TMCC1: variants seen among roughly 807,000 people sequenced by gnomAD.
TMCC1 encodes the protein transmembrane and coiled-coil domain family 1, also known as transmembrane and coiled-coil domains protein 1.
Under a neutral mutation model 52.4 loss-of-function variants are expected in TMCC1, and 15 were observed. The observed-to-expected ratio is 0.29, with a 90% CI of 0.19 to 0.44. The LOEUF (loss-of-function observed/expected upper bound fraction) is 0.44. Among genes scored for constraint, TMCC1 ranks in the 20% least tolerant of loss-of-function variants. TMCC1 has a pLI of 1.00. For synonymous variants in TMCC1, 279 were observed against 301.9 expected, an observed-to-expected ratio of 0.92 and a Z score of 0.79; for missense variants, 503 against 806.0, an observed-to-expected ratio of 0.62 and a Z score of 4.55.
chr3:129,880,491 A>G lies in TMCC1; in HGVS notation c.-366T>C, dbSNP rs952992715. On this transcript the variant is annotated 5_prime_UTR_variant, in exon 2 of 7. Coordinates refer to ENST00000393238, the MANE Select transcript of TMCC1 (RefSeq NM_001017395.5). ...CTTCTAAATCTTGTGACCAAAGGCA[A>G]CTGTTCACCGAGCGTCAGCATCTGA... 1 of 152,232 alleles carries G rather than the reference A, an allele frequency of 6.6e-6. No individual in the cohort carries two copies. The highest frequency in any genetic ancestry group is 1.5e-5 in the Non-Finnish European group (1 of 68,042). 9.4% of individuals were successfully genotyped at this position (152,232 alleles called of 1,614,324 possible). A position where few individuals can be genotyped will look rare whatever the true frequency, so the allele number is the denominator to read the frequency against.
chr3:129,804,924 G>A (rs1055874936), intron 4 of TMCC1, among the ~76,000 whole-genome samples: 1 of 152,164 alleles, frequency 6.6e-6, no homozygotes, highest in African/African-American at 2.4e-5. Flanking sequence ...ATATTGGACA[G>A]AAGAATCTTT....
intron 4 of TMCC1, among the ~76,000 whole-genome samples, chr3:129,711,784 T>C (rs1229625424): frequency 1.4e-5 from 2 of 141,066 alleles, no homozygotes; most frequent in East Asian, 4.2e-4. Context: ...AGGTCAGGAG[T>C]TCGAGACCAG....
intron 4 of TMCC1, among the ~76,000 whole-genome samples, chr3:129,763,542 C>CAAAAAA (rs11354197): frequency 0.023 from 992 of 43,180 alleles, no homozygotes; most frequent in Non-Finnish European, 0.03. Flanking sequence ...GACCCTGTCT[C>CAAAAAA]AAAAAAAAAA....
chr3:129,873,882 T>C (rs1174234733), intron 2 of TMCC1, among the ~76,000 whole-genome samples: 1 of 152,130 alleles, frequency 6.6e-6, no homozygotes, highest in Admixed American at 6.6e-5. Context: ...GAGTGTTATG[T>C]TGGTACCCAA....
At position 129,829,082 on chromosome 3, in the gene TMCC1, C is replaced by T. The variant is rs571607299; in HGVS notation, c.-130-574G>A. Among the ~76,000 whole-genome samples the T allele has an allele frequency of 4.6e-5, 7 of 152,304 alleles. No homozygotes were observed. In the East Asian group the frequency reaches 1.2e-3, roughly 25 times the overall value. ...GGTAACTAGAGATGACAGGTTTGCT[C>T]TTTTGAGAAGAGAATGGAAATAAAA... On this transcript the variant is annotated intron_variant, in intron 3 of 6. Coordinates refer to ENST00000393238, the MANE Select transcript of TMCC1 (RefSeq NM_001017395.5).
At chr3:129,652,557 C>A (rs2086405091) in intron 6 of TMCC1, among the ~76,000 whole-genome samples, 1 of 152,086 alleles carries the variant, frequency 6.6e-6, no homozygotes, top group Non-Finnish European at 1.5e-5. Flanking sequence ...TAAGGCCATG[C>A]CAGACAAGGT....
Position 129,681,919 on chromosome 3 carries a change from AAT to A in TMCC1, c.577-10657_577-10656del, listed in dbSNP as rs1491131824. On this transcript the variant is annotated intron_variant, in intron 4 of 6. Coordinates refer to ENST00000393238, the MANE Select transcript of TMCC1 (RefSeq NM_001017395.5). ...AGACTTCGTCTCAAAAAAAAAAAAA[AAT>A]TTTTAATTAAAAAATAAATAAAATA... Among the ~76,000 whole-genome samples the A allele has an allele frequency of 4.6e-5, 7 of 151,414 alleles. No homozygotes were observed. The East Asian group carries it at 1.4e-3, about 29-fold the overall frequency.
intron 4 of TMCC1, among the ~76,000 whole-genome samples, chr3:129,711,492 A>G (rs2048677671): frequency 6.6e-6 from 1 of 152,210 alleles, no homozygotes; most frequent in Non-Finnish European, 1.5e-5. Context: ...AATAATATGC[A>G]AATTAATAAC....
At chr3:129,763,303 G>A (rs1335689554) in intron 4 of TMCC1, among the ~76,000 whole-genome samples, 1 of 149,198 alleles carries the variant, frequency 6.7e-6, no homozygotes, top group Non-Finnish European at 1.5e-5. Flanking sequence ...TGTACTTTGG[G>A]GAGCCGAAGG....
At chr3:129,749,688 C>T in intron 4 of TMCC1, among the ~76,000 whole-genome samples, 1 of 152,124 alleles carries the variant, frequency 6.6e-6, no homozygotes, top group Admixed American at 6.6e-5. Context: ...CTAGATAAAA[C>T]AGGATAATAG....
At position 129,649,461 on chromosome 3, in the gene TMCC1, C is replaced by G. The variant is rs2086201281; in HGVS notation, c.*2020G>C. ...AAAGAAAAAAAGCACCCTTGTGGCCCTGCTCTGGGTGCAGTTTTGAGGGGG... is the reference window on the plus strand; with the variant it reads ...AAAGAAAAAAAGCACCCTTGTGGCCGTGCTCTGGGTGCAGTTTTGAGGGGG... On this transcript the variant is annotated 3_prime_UTR_variant, in exon 7 of 7. Transcript: ENST00000393238. 6.6e-6 allele frequency: 1 copy of G among 152,366 alleles called. No individual in the cohort carries two copies. The highest frequency in any genetic ancestry group is 1.5e-5 in the Non-Finnish European group (1 of 68,016). The allele number at this position is 152,366 out of a possible 1,614,324, so 9.4% of individuals were successfully genotyped here. A position where few individuals can be genotyped will look rare whatever the true frequency, so the allele number is the denominator to read the frequency against.
At chr3:129,825,231 T>C (rs2058608442) in intron 4 of TMCC1, among the ~76,000 whole-genome samples, 1 of 152,240 alleles carries the variant, frequency 6.6e-6, no homozygotes, top group African/African-American at 2.4e-5. Flanking sequence ...ACAGTTCAAC[T>C]AATTCAAACT....
chr3:129,855,755 T>A (rs2060122397), intron 2 of TMCC1, among the ~76,000 whole-genome samples: 1 of 152,182 alleles, frequency 6.6e-6, no homozygotes, highest in African/African-American at 2.4e-5. Context: ...CCCATTTCGA[T>A]GGTAAGCAAA....
At position 129,670,967 on chromosome 3, in the gene TMCC1, T is replaced by C. The variant is rs1039638724; in HGVS notation, c.874A>G (p.Ile292Val). The C allele has an allele frequency of 1.9e-5, 31 of 1,614,092 alleles. No individual in the cohort carries two copies. Among genetic ancestry groups the C allele is most frequent in the Non-Finnish European group, 2.4e-5 (28 of 1,180,040 alleles). ...EKKNQKSAQT[I>V]LQLQKKLEHY... The stretch of plus-strand genomic sequence containing the variant: ...TCAAGTTTCTTTTGCAGCTGGAGGA[T>C]AGTTTGGGCAGATTTCTGGTTCTTC... The change falls in exon 5 of 7, where the codon ATC becomes GTC. Residue 292 changes from isoleucine to valine, a missense_variant. Physicochemically the swap from Ile to Val is conservative, Grantham distance 29. Transcript: ENST00000393238.
intron 4 of TMCC1, among the ~76,000 whole-genome samples, chr3:129,809,930 T>C (rs1401926526): frequency 6.6e-6 from 1 of 152,182 alleles, no homozygotes; most frequent in Non-Finnish European, 1.5e-5. Flanking sequence ...TGATTTTATG[T>C]AGAAAAACAT....
intron 4 of TMCC1, 86 bp from the exon 5 acceptor site, chr3:129,671,350 T>C: frequency 7.4e-7 from 1 of 1,359,144 alleles, no homozygotes; most frequent in Non-Finnish European, 9.9e-7. Context: ...TGGAAATGTG[T>C]CTACTCTCAA....
intron 2 of TMCC1, among the ~76,000 whole-genome samples, chr3:129,864,047 A>C (rs150837760): frequency 1.3e-5 from 2 of 152,174 alleles, no homozygotes; most frequent in African/African-American, 2.4e-5. Context: ...TGCTCTCTCT[A>C]AAAACCATCA....
At chr3:129,803,061 C>A (rs2057283231) in intron 4 of TMCC1, among the ~76,000 whole-genome samples, 1 of 152,206 alleles carries the variant, frequency 6.6e-6, no homozygotes, top group African/African-American at 2.4e-5. Context: ...GAGCCAAATT[C>A]TTTTATCAGG....
intron 2 of TMCC1, among the ~76,000 whole-genome samples, chr3:129,875,532 C>CA (rs1414181259): frequency 6.7e-6 from 1 of 148,870 alleles, no homozygotes; most frequent in South Asian, 2.1e-4. Flanking sequence ...CAAACACACC[C>CA]AAAAAAGATT....
Sources: gnomAD v4.1 joint callset for allele counts (sites outside exome capture counted in the v4.1 genomes callset) on GRCh38, gnomAD v4.1.1 for gene constraint, MANE v1.5 for transcripts, NCBI Gene and HGNC (gene_info 2026-07-23, HGNC 2026-07-21) for gene names.